The following LRRTM4 variants were observed in gnomAD, a reference collection of about 807,000 sequenced individuals.
LRRTM4 encodes the protein leucine-rich repeat transmembrane neuronal protein 4.
LRRTM4 carries 25 observed loss-of-function variants against 47.6 expected under a neutral mutation model. The ratio of observed to expected loss-of-function variants is 0.53; its 90% CI spans 0.38 to 0.73. The LOEUF is 0.73. LRRTM4 is among the 30% of genes least tolerant of loss of function. LRRTM4 has a pLI of 0.00. For synonymous variants in LRRTM4, 311 were observed against 269.5 expected, an observed-to-expected ratio of 1.15 and a Z score of -1.51; for missense variants, 638 against 713.4, an observed-to-expected ratio of 0.89 and a Z score of 1.20.
intron 3 of LRRTM4, among the ~76,000 whole-genome samples, chr2:76,801,568 G>A (rs1675683932): frequency 6.6e-6 from 1 of 152,046 alleles, no homozygotes; most frequent in Admixed American, 6.5e-5. Context: ...AATGCTAGAT[G>A]ATGAGTTAGT....
In LRRTM4 at chr2:76,911,290, G is replaced by T. The variant is rs75641157; in HGVS notation, c.1552-162374C>A. ...TAACCTCATCCCATCATTTGTTAATGCAATCATTGTTTTTAGGACTTTCAC... is the reference window on the plus strand; with the variant it reads ...TAACCTCATCCCATCATTTGTTAATTCAATCATTGTTTTTAGGACTTTCAC... On this transcript the variant is annotated intron_variant, in intron 3 of 3. Transcript: ENST00000409884. Among the ~76,000 whole-genome samples, 1,332 of 152,236 alleles carry T rather than the reference G, an allele frequency of 8.7e-3. 27 individuals are homozygous for T. Among genetic ancestry groups the T allele is most frequent in the African/African-American group, 0.03 (1,227 of 41,552 alleles).
chr2:77,480,606 C>T (rs1251392099), intron 3 of LRRTM4, among the ~76,000 whole-genome samples: 1 of 152,002 alleles, frequency 6.6e-6, no homozygotes, highest in Non-Finnish European at 1.5e-5. Context: ...CTGCTTACTC[C>T]ACACTGCCAC....
rs141433800 is a variant in LRRTM4 at position 77,342,718 on chromosome 2, G to T, written c.1551+175600C>A. Among the ~76,000 whole-genome samples the T allele has an allele frequency of 4.5e-3, 687 of 151,938 alleles. 4 individuals are homozygous for T. Among genetic ancestry groups the T allele is most frequent in the African/African-American group, 0.016 (648 of 41,486 alleles). ...AAACTGTCAAAGCTAGATGGTGTAG[G>T]TTGTTTTGTTTGTTTGATTTTCCTC... On this transcript the variant is annotated intron_variant, in intron 3 of 3. Coordinates refer to ENST00000409884, the MANE Select transcript of LRRTM4 (RefSeq NM_001134745.3).
chr2:77,184,738 A>G (rs1195535988), intron 3 of LRRTM4, among the ~76,000 whole-genome samples: 1 of 152,154 alleles, frequency 6.6e-6, no homozygotes, highest in East Asian at 1.9e-4. Flanking sequence ...TTAAATTTGT[A>G]TCTCTTTATA....
chr2:77,414,193 C>G (rs536696779), intron 3 of LRRTM4, among the ~76,000 whole-genome samples: 1 of 151,798 alleles, frequency 6.6e-6, no homozygotes, highest in Non-Finnish European at 1.5e-5. Context: ...TCTCTTTTCA[C>G]TTTTTTTTAA....
At chr2:77,022,513 A>G (rs1678309301) in intron 3 of LRRTM4, among the ~76,000 whole-genome samples, 1 of 152,214 alleles carries the variant, frequency 6.6e-6, no homozygotes, top group Admixed American at 6.5e-5. Context: ...TCCACCTATG[A>G]GCCTGTAAAA....
intron 3 of LRRTM4, among the ~76,000 whole-genome samples, chr2:76,812,714 TTTTC>T (rs1411246374): frequency 2.9e-5 from 4 of 138,682 alleles, no homozygotes; most frequent in Admixed American, 7.5e-5. Context: ...CTTTATTTCT[TTTTC>T]TTTCTCTTTT....
At chr2:76,980,777 T>C (rs912708195) in intron 3 of LRRTM4, among the ~76,000 whole-genome samples, 5 of 152,052 alleles carry the variant, frequency 3.3e-5, no homozygotes, top group Non-Finnish European at 5.9e-5. Flanking sequence ...TGTCAAGAAA[T>C]GCCGGATGTA....
At chr2:77,249,271 A>C (rs1675536766) in intron 3 of LRRTM4, among the ~76,000 whole-genome samples, 1 of 151,948 alleles carries the variant, frequency 6.6e-6, no homozygotes. Flanking sequence ...AATTGCTTGA[A>C]CCTGGGAGGC....
intron 3 of LRRTM4, among the ~76,000 whole-genome samples, chr2:76,923,328 A>C (rs1323107073): frequency 2.0e-5 from 3 of 152,028 alleles, no homozygotes; most frequent in Non-Finnish European, 2.9e-5. Flanking sequence ...CCAGTTGTTA[A>C]ATTTGTAGAA....
chr2:77,096,820 A>G (rs983493066), intron 3 of LRRTM4, among the ~76,000 whole-genome samples: 5 of 151,824 alleles, frequency 3.3e-5, no homozygotes, highest in Non-Finnish European at 7.4e-5. Context: ...AGCTTAAAAA[A>G]TCAGGAGAAA....
At chr2:77,041,742 C>T (rs1679041158) in intron 3 of LRRTM4, among the ~76,000 whole-genome samples, 2 of 149,076 alleles carry the variant, frequency 1.3e-5, no homozygotes, top group Non-Finnish European at 3.0e-5. Flanking sequence ...ATTTTTAAAT[C>T]AGTTTTCTTT....
chr2:77,231,170 C>A (rs566343626), intron 3 of LRRTM4, among the ~76,000 whole-genome samples: 42 of 151,898 alleles, frequency 2.8e-4, no homozygotes, highest in African/African-American at 9.7e-4. Flanking sequence ...AAGCCAAACC[C>A]ATGGCGTGAG....
intron 3 of LRRTM4, among the ~76,000 whole-genome samples, chr2:76,998,939 A>G (rs887762378): frequency 3.9e-5 from 6 of 152,092 alleles, no homozygotes; most frequent in African/African-American, 1.2e-4. Context: ...ATTACTCAAC[A>G]GTATAAGAAC....
chr2:77,283,466 CTG>C (rs559102431), intron 3 of LRRTM4, among the ~76,000 whole-genome samples: 1 of 151,380 alleles, frequency 6.6e-6, no homozygotes, highest in Admixed American at 6.6e-5. Context: ...AATCCCATTA[CTG>C]TGTATGTATC....
At chr2:77,517,023 A>T (rs1573517964) in intron 3 of LRRTM4, 1 of 984,742 alleles carries the variant, frequency 1.0e-6, no homozygotes, top group East Asian at 1.1e-4. Context: ...ATCTAAAATC[A>T]GATACTAAAA....
intron 3 of LRRTM4, among the ~76,000 whole-genome samples, chr2:76,881,782 G>T (rs576708966): frequency 6.6e-6 from 1 of 151,700 alleles, no homozygotes; most frequent in Admixed American, 6.6e-5. Context: ...AGCATATATT[G>T]TTAAACTTTT....
At chr2:77,443,238 A>G (rs1558745804) in intron 3 of LRRTM4, among the ~76,000 whole-genome samples, 1 of 152,090 alleles carries the variant, frequency 6.6e-6, no homozygotes, top group Admixed American at 6.6e-5. Context: ...TCAAAAGGAG[A>G]GAGTGAAAAT....
intron 3 of LRRTM4, among the ~76,000 whole-genome samples, chr2:76,853,406 A>G (rs1450458687): frequency 6.6e-6 from 1 of 152,090 alleles, no homozygotes; most frequent in East Asian, 1.9e-4. Context: ...TAAATTGTTG[A>G]GAGCACCTGC....
Sources: gnomAD v4.1 joint callset for allele counts (sites outside exome capture counted in the v4.1 genomes callset) on GRCh38, gnomAD v4.1.1 for gene constraint, MANE v1.5 for transcripts, NCBI Gene and HGNC (gene_info 2026-07-23, HGNC 2026-07-21) for gene names.